KDM2A: variants seen among roughly 807,000 people sequenced by gnomAD.
The protein encoded by KDM2A is lysine demethylase 2A, also known as lysine-specific demethylase 2A.
A neutral mutation model predicts 137.3 loss-of-function variants in KDM2A; 3 were observed. The observed-to-expected ratio is 0.02, with a 90% confidence interval of 0.01 to 0.06. KDM2A has a LOEUF of 0.06. Ranked by LOEUF, KDM2A falls within the 10% of genes least tolerant of loss-of-function variation. The probability of loss-of-function intolerance (pLI) is 1.00; values close to 1 mark genes in which losing one functional copy is unlikely to be tolerated. For missense variants in KDM2A, 738 were observed against 1,510.6 expected (o/e 0.49, Z 8.48); for synonymous variants, 512 against 541.5 (o/e 0.95, Z 0.76).
At chr11:67,169,923 A>AAT (rs1419211072) in intron 2 of KDM2A, among the ~76,000 whole-genome samples, 4 of 150,770 alleles carry the variant, frequency 2.7e-5, no homozygotes, top group Non-Finnish European at 4.4e-5. Flanking sequence ...ATGGCAGGCT[A>AAT]ATTTTTGTAT....
At chr11:67,194,294 T>TA (rs1213538517) in intron 5 of KDM2A, among the ~76,000 whole-genome samples, 3 of 152,196 alleles carry the variant, frequency 2.0e-5, no homozygotes, top group Non-Finnish European at 2.9e-5. Context: ...GTGGTTGCTT[T>TA]ACCCCCAGCT....
intron 2 of KDM2A, among the ~76,000 whole-genome samples, chr11:67,152,579 G>A (rs1856417606): frequency 6.6e-6 from 1 of 151,792 alleles, no homozygotes; most frequent in Admixed American, 6.6e-5. Flanking sequence ...CTGCACTCTA[G>A]CTTCAGTGAC....
At chr11:67,158,531 T>TG (rs1439070974) in intron 2 of KDM2A, among the ~76,000 whole-genome samples, 1 of 152,262 alleles carries the variant, frequency 6.6e-6, no homozygotes, top group Non-Finnish European at 1.5e-5. Context: ...CAGCAGTGAA[T>TG]GAGAGTTCTT....
intron 2 of KDM2A, among the ~76,000 whole-genome samples, chr11:67,150,113 T>G (rs1405625528): frequency 6.6e-6 from 1 of 152,220 alleles, no homozygotes; most frequent in African/African-American, 2.4e-5. Flanking sequence ...AATTACAGAA[T>G]TCTTTACAAC....
chr11:67,168,057 A>G (rs1034229602), intron 2 of KDM2A, among the ~76,000 whole-genome samples: 2 of 152,202 alleles, frequency 1.3e-5, no homozygotes, highest in Non-Finnish European at 2.9e-5. Flanking sequence ...GGGCATTTTA[A>G]TTAAAATCCA....
chr11:67,193,058 C>T (rs1018738886), intron 5 of KDM2A, among the ~76,000 whole-genome samples: 1 of 151,908 alleles, frequency 6.6e-6, no homozygotes, highest in Non-Finnish European at 1.5e-5. Context: ...GCCGCGATCT[C>T]GGCTTACTGC....
chr11:67,119,483 G>A lies in KDM2A; in HGVS notation c.-650G>A, dbSNP rs1045501518. ...CCATCCCCCGGAATCCCTCTTCTGC[G>A]ACTGGGGAGTAGCCGGGGGGCTCGT... is the stretch of plus-strand genomic sequence containing the variant. On this transcript the variant is annotated 5_prime_UTR_variant, in exon 1 of 21. Coordinates refer to ENST00000529006, the MANE Select transcript of KDM2A (RefSeq NM_012308.3). 6 of 152,958 alleles carry A rather than the reference G, an allele frequency of 3.9e-5. No individual in the cohort carries two copies. Among genetic ancestry groups the A allele is most frequent in the African/African-American group, 1.2e-4 (5 of 41,402 alleles). 9.5% of individuals were successfully genotyped at this position (152,958 alleles called of 1,614,324 possible).
chr11:67,242,375 G>T (rs1859072078), intron 12 of KDM2A, among the ~76,000 whole-genome samples: 1 of 151,930 alleles, frequency 6.6e-6, no homozygotes, highest in African/African-American at 2.4e-5. Context: ...AAGAGCCCTG[G>T]GTTGAATCTG....
chr11:67,217,240 C>CA (rs544615414), intron 8 of KDM2A, among the ~76,000 whole-genome samples: 2,567 of 49,466 alleles, frequency 0.052, 53 homozygotes, highest in East Asian at 0.11. Context: ...GAAACTCTGT[C>CA]AAAAAAAAAA....
chr11:67,182,044 AAG>A (rs1857102476), intron 5 of KDM2A, among the ~76,000 whole-genome samples, 152 bp downstream of exon 5: 1 of 152,228 alleles, frequency 6.6e-6, no homozygotes, highest in Non-Finnish European at 1.5e-5. Flanking sequence ...AATTTTATCA[AAG>A]AGAGTTACAG....
rs1206309624 is a variant in KDM2A at position 67,254,451 on chromosome 11, G to A, written c.3307+33G>A. 3 of 1,581,394 alleles carry A rather than the reference G, an allele frequency of 1.9e-6. No individual in the cohort carries two copies. Among genetic ancestry groups the A allele is most frequent in the Non-Finnish European group, 2.6e-6 (3 of 1,151,944 alleles). ...GCTACAGTTGTTCATAATCAGCGGT[G>A]CCCCCTGCCTCCAGCCCTCCCTGGA... On this transcript the variant is annotated intron_variant, in intron 20 of 20. Transcript: ENST00000529006. This position sits in a 1 kb window ranked among gnomAD's most constrained non-coding sequence, Gnocchi z 4.7.
At chr11:67,181,299 A>G (rs1392772858) in intron 3 of KDM2A, 21 bp from the exon 4 acceptor site, 1 of 1,527,684 alleles carries the variant, frequency 6.5e-7, no homozygotes, top group Non-Finnish European at 9.0e-7. Flanking sequence ...TTATCTTTCT[A>G]ATATTTTCCT....
chr11:67,143,732 T>C (rs1305441204), intron 2 of KDM2A, among the ~76,000 whole-genome samples: 1 of 151,070 alleles, frequency 6.6e-6, no homozygotes, highest in Admixed American at 6.6e-5. Context: ...TCCTGGGTTC[T>C]AGAGATTCTC....
intron 19 of KDM2A, 55 bp downstream of exon 19, chr11:67,253,666 A>G (rs1364231947): frequency 5.1e-6 from 8 of 1,577,976 alleles, no homozygotes; most frequent in African/African-American, 1.4e-5. Context: ...TTGTCTTCCA[A>G]ACAGACCTCG....
At chr11:67,188,475 C>CT (rs1857262434) in intron 5 of KDM2A, among the ~76,000 whole-genome samples, 1 of 145,226 alleles carries the variant, frequency 6.9e-6, no homozygotes, top group Non-Finnish European at 1.5e-5. Context: ...GAGCAAGACT[C>CT]TGTCTCAAAA....
At chr11:67,224,461 C>CT (rs35180780) in intron 10 of KDM2A, among the ~76,000 whole-genome samples, 72,816 of 94,848 alleles carry the variant, frequency 0.77, 29,268 homozygotes, top group South Asian at 0.9. Flanking sequence ...TAACCCCTTT[C>CT]TTTTTTTTTT....
chr11:67,184,097 C>CAAA (rs34270166), intron 5 of KDM2A, among the ~76,000 whole-genome samples: 4 of 66,190 alleles, frequency 6.0e-5, no homozygotes, highest in Non-Finnish European at 1.4e-4. Flanking sequence ...GACCCTGTCT[C>CAAA]AAAAAAAAAA....
At chr11:67,185,861 C>T (rs1857190533) in intron 5 of KDM2A, among the ~76,000 whole-genome samples, 1 of 151,562 alleles carries the variant, frequency 6.6e-6, no homozygotes, top group African/African-American at 2.4e-5. Context: ...GCAAAAAGGC[C>T]CTCACCAGAT....
Position 67,133,788 on chromosome 11 carries a change from G to A in KDM2A, c.42+12430G>A, listed in dbSNP as rs969593674. Among the ~76,000 whole-genome samples the A allele has an allele frequency of 4.0e-5, 6 of 151,362 alleles. No individual in the cohort carries two copies. The East Asian group carries it at 1.2e-3, about 30-fold the overall frequency. On this transcript the variant is annotated intron_variant, in intron 2 of 20. Transcript: ENST00000529006. ...GCCATCTCGGCTTACTATAACTTCC[G>A]CCTCCCAGGTTCAAGCGATTCTCCT...
Sources: allele counts gnomAD v4.1 joint callset (sites outside exome capture counted in the v4.1 genomes callset), GRCh38; gene constraint gnomAD v4.1.1; non-coding constraint Gnocchi (gnomAD v3.1); transcripts MANE v1.5; gene names NCBI Gene and HGNC (gene_info 2026-07-23, HGNC 2026-07-21).